Variants in OVCH1 observed in about 807,000 individuals in gnomAD.
OVCH1 encodes ovochymase 1.
In OVCH1, 139 loss-of-function variants were observed where a neutral mutation model predicts 138.4. That is an observed-to-expected ratio of 1.00 (90% CI 0.87 to 1.16). OVCH1 has a LOEUF of 1.16. OVCH1 is among the 50% of genes most tolerant of loss of function. The pLI, the probability that OVCH1 is intolerant of heterozygous loss-of-function variation, is 0.00. For synonymous variants in OVCH1, 453 were observed against 467.8 expected (o/e 0.97, Z 0.41); for missense variants, 1,367 against 1,357.9 (o/e 1.01, Z -0.11).
rs534376986 is a variant in OVCH1, at chr12:29,448,412, C to G, written c.2755+2933G>C. ...GGAGGCAGGGGCGTGATACAACTTACATCAGTCAAGGTTGGTCTCATTAAG... is the reference window on the plus strand; with the variant it reads ...GGAGGCAGGGGCGTGATACAACTTAGATCAGTCAAGGTTGGTCTCATTAAG... On this transcript the variant is annotated intron_variant, in intron 22 of 27. Transcript: ENST00000318184. Among the ~76,000 whole-genome samples the G allele has an allele frequency of 1.3e-4, 19 of 151,910 alleles. No individual in the cohort carries two copies. In the South Asian group the frequency reaches 4.0e-3, roughly 32 times the overall value.
chr12:29,488,084 T>TA (rs1419903054), intron 6 of OVCH1, among the ~76,000 whole-genome samples: 5 of 152,194 alleles, frequency 3.3e-5, no homozygotes, highest in Non-Finnish European at 5.9e-5. Flanking sequence ...TTCATGAAGA[T>TA]AAAATCTCTT....
At chr12:29,462,100 A>G (rs1361975972) in intron 18 of OVCH1, 92 bp from the exon 19 acceptor site, 1 of 1,342,630 alleles carries the variant, frequency 7.4e-7, no homozygotes, top group African/African-American at 1.5e-5. Context: ...GCTCTGTACC[A>G]ACATAGCTGA....
chr12:29,495,188 C>G (rs1943380219), intron 4 of OVCH1, 97 bp downstream of exon 4: 2 of 1,178,078 alleles, frequency 1.7e-6, no homozygotes, highest in Non-Finnish European at 2.4e-6. Flanking sequence ...CTTAGCTATT[C>G]TATTACTAGA....
chr12:29,424,160 T>C (rs1312752817), downstream of OVCH1, among the ~76,000 whole-genome samples: 1 of 152,176 alleles, frequency 6.6e-6, no homozygotes, highest in African/African-American at 2.4e-5. Context: ...CTATAGATTA[T>C]AGATTAACTA....
intron 27 of OVCH1, among the ~76,000 whole-genome samples, chr12:29,430,511 G>T (rs988125473): frequency 1.3e-5 from 2 of 152,140 alleles, no homozygotes; most frequent in Non-Finnish European, 2.9e-5. Flanking sequence ...TTGGGGTGAG[G>T]TTCCCAGGTC....
intron 22 of OVCH1, among the ~76,000 whole-genome samples, 161 bp from the exon 23 acceptor site, chr12:29,445,564 C>A (rs536638674): frequency 2.6e-5 from 4 of 152,154 alleles, no homozygotes; most frequent in African/African-American, 9.6e-5. Context: ...TCACTCAATG[C>A]CACAAACTAG....
At position 29,496,679 on chromosome 12, in the gene OVCH1, G is replaced by A; in HGVS notation, c.65-5C>T. The A allele has an allele frequency of 6.3e-7, 1 of 1,592,766 alleles. No homozygotes were observed. The highest frequency in any genetic ancestry group is 8.6e-7 in the Non-Finnish European group (1 of 1,162,804). ...TGCGAATTCCACACTTCAGTCCTGT[G>A]TAGAAGAGCATGTGTGTGTGCACAC... On this transcript the variant is annotated splice_region_variant and splice_polypyrimidine_tract_variant and intron_variant, in intron 1 of 27. Coordinates refer to ENST00000318184, the Ensembl canonical transcript of OVCH1.
At chr12:29,457,886 C>T (rs1360405017) in intron 19 of OVCH1, among the ~76,000 whole-genome samples, 1 of 152,072 alleles carries the variant, frequency 6.6e-6, no homozygotes, top group African/African-American at 2.4e-5. Context: ...TATACAGTTT[C>T]AATAACATTT....
chr12:29,463,722 T>C (rs1942217818), intron 18 of OVCH1, among the ~76,000 whole-genome samples: 1 of 152,210 alleles, frequency 6.6e-6, no homozygotes, highest in Admixed American at 6.5e-5. Flanking sequence ...GCTCCTCATG[T>C]GTTGGGTGTG....
intron 21 of OVCH1, among the ~76,000 whole-genome samples, chr12:29,454,625 A>AT (rs1242469750): frequency 6.6e-6 from 1 of 152,134 alleles, no homozygotes; most frequent in African/African-American, 2.4e-5. Flanking sequence ...CAACCACAAG[A>AT]TTTTTTTAAA....
intron 19 of OVCH1, among the ~76,000 whole-genome samples, chr12:29,456,739 T>C (rs1941961790): frequency 6.6e-6 from 1 of 152,230 alleles, no homozygotes; most frequent in African/African-American, 2.4e-5. Context: ...GCACTGCATC[T>C]GATTCAACTT....
intron 22 of OVCH1, among the ~76,000 whole-genome samples, chr12:29,448,674 G>C (rs1269370429): frequency 6.6e-6 from 1 of 152,082 alleles, no homozygotes; most frequent in Non-Finnish European, 1.5e-5. Context: ...GGGAAAATGT[G>C]CCAAGCAGTT....
exon 18 of OVCH1, chr12:29,464,657 G>T: frequency 1.2e-6 from 2 of 1,613,494 alleles, no homozygotes; most frequent in African/African-American, 1.3e-5. Flanking sequence ...TCATAACTTA[G>T]TGTGTTAAAG....
chr12:29,426,331 ATTAGTT>A (rs920788486), downstream of OVCH1, among the ~76,000 whole-genome samples: 2 of 152,220 alleles, frequency 1.3e-5, no homozygotes, highest in African/African-American at 4.8e-5. Context: ...GCTGACTTAC[ATTAGTT>A]TTAGTTTGTT....
At chr12:29,491,336 T>A in intron 4 of OVCH1, 144 bp from the exon 5 acceptor site, 1 of 666,602 alleles carries the variant, frequency 1.5e-6, no homozygotes, top group Non-Finnish European at 2.5e-6. Context: ...GGCCCCTCCA[T>A]ATAAAACCGT....
chr12:29,457,435 GCT>G (rs1470338019), intron 19 of OVCH1, among the ~76,000 whole-genome samples: 5 of 104,718 alleles, frequency 4.8e-5, no homozygotes, highest in African/African-American at 1.9e-4. Flanking sequence ...ACAGAGTCTT[GCT>G]CTGTCTCCCA....
chr12:29,443,060 T>C (rs913691120), intron 25 of OVCH1, among the ~76,000 whole-genome samples: 1 of 152,142 alleles, frequency 6.6e-6, no homozygotes, highest in African/African-American at 2.4e-5. Context: ...TAGTCTTAAT[T>C]TTCTTGTGTT....
exon 20 of OVCH1, chr12:29,455,266 A>G (rs761337813): frequency 6.2e-7 from 1 of 1,612,448 alleles, no homozygotes; most frequent in Non-Finnish European, 8.5e-7. Flanking sequence ...TTTTGATTGG[A>G]TCCAGTCCAA....
At chr12:29,487,183 C>G (rs986691858) in intron 7 of OVCH1, 1 of 203,900 alleles carries the variant, frequency 4.9e-6, no homozygotes, top group Admixed American at 5.6e-5. Flanking sequence ...GCTGTGTTCT[C>G]TCAGGCTTCT....
Sources: gnomAD v4.1 joint callset for allele counts (sites outside exome capture counted in the v4.1 genomes callset) on GRCh38, gnomAD v4.1.1 for gene constraint, MANE v1.5 for transcripts, NCBI Gene and HGNC (gene_info 2026-07-23, HGNC 2026-07-21) for gene names.